The following ATG2B variants were observed in gnomAD, a reference collection of about 807,000 sequenced individuals.
ATG2B encodes the protein autophagy-related protein 2 homolog B.
In ATG2B, 121 loss-of-function variants were observed where a neutral mutation model predicts 241.3. The ratio of observed to expected loss-of-function variants is 0.50; its 90% confidence interval spans 0.43 to 0.58. The LOEUF is 0.58. Ranked by LOEUF, ATG2B falls within the 20% of genes least tolerant of loss-of-function variation. ATG2B has a pLI of 0.00. For synonymous variants in ATG2B, 858 were observed against 876.6 expected, an observed-to-expected ratio of 0.98 and a Z score of 0.37; for missense variants, 2,306 against 2,491.6, an observed-to-expected ratio of 0.93 and a Z score of 1.59.
At chr14:96,344,522 T>C in intron 4 of ATG2B, 132 bp downstream of exon 4, 4 of 477,396 alleles carry the variant, frequency 8.4e-6, no homozygotes, top group Non-Finnish European at 1.5e-5. Flanking sequence ...AGCAAATAAC[T>C]TGAAGAGCAG....
intron 1 of ATG2B, among the ~76,000 whole-genome samples, chr14:96,347,912 G>A (rs1305114295): frequency 1.3e-5 from 2 of 152,156 alleles, no homozygotes; most frequent in Non-Finnish European, 2.9e-5. Flanking sequence ...ACCCACTATG[G>A]AGAACAATTT....
Position 96,302,282 on chromosome 14 carries a change from C to T in ATG2B, c.5038-174G>A, listed in dbSNP as rs568918842. ...TCAAACATTTTTGGGTCACATGCCC[C>T]CATCAATAATCTGATTAAAGGCTGG... On this transcript the variant is annotated intron_variant, in intron 33 of 41. Transcript: ENST00000359933. 3.9e-5 allele frequency among the ~76,000 whole-genome samples: 6 copies of T among 152,234 alleles called. No homozygotes were observed. In the South Asian group the frequency reaches 1.2e-3, roughly 32 times the overall value.
chr14:96,308,282 A>ATATATATAT (rs1566720002), intron 29 of ATG2B, among the ~76,000 whole-genome samples: 2 of 37,036 alleles, frequency 5.4e-5, no homozygotes, highest in Non-Finnish European at 1.0e-4. Context: ...ATATATATAT[A>ATATATATAT]TTTTTTTTTT....
At chr14:96,356,023 T>C (rs965469932) in intron 1 of ATG2B, among the ~76,000 whole-genome samples, 11 of 151,736 alleles carry the variant, frequency 7.2e-5, no homozygotes, top group African/African-American at 2.4e-4. Flanking sequence ...ACAAAAAAAT[T>C]TGCCAGGCGT....
At chr14:96,358,720 C>T (rs546969199) in intron 1 of ATG2B, among the ~76,000 whole-genome samples, 5 of 151,816 alleles carry the variant, frequency 3.3e-5, no homozygotes, top group African/African-American at 1.2e-4. Context: ...ATTTTCCACA[C>T]CAGTCCTATG....
intron 14 of ATG2B, among the ~76,000 whole-genome samples, chr14:96,326,658 C>A (rs1887594699): frequency 1.3e-5 from 2 of 152,094 alleles, no homozygotes; most frequent in South Asian, 4.2e-4. Context: ...TGTAACACTC[C>A]TCAGTTTCTT....
In ATG2B at chr14:96,309,140, G is replaced by T. The variant is rs2289625; in HGVS notation, c.4303+313C>A. The stretch of plus-strand genomic sequence containing the variant: ...TCCAAACAGTAGAGGATATACCACA[G>T]TTGAAGTATTTTCTTACATCATTTA... On this transcript the variant is annotated intron_variant, in intron 29 of 41. Coordinates refer to ENST00000359933, the MANE Select transcript of ATG2B (RefSeq NM_018036.7). Among the ~76,000 whole-genome samples the T allele has an allele frequency of 4.3e-3, 649 of 152,260 alleles. 26 individuals carry two copies. In the South Asian group the frequency reaches 0.067, roughly 16 times the overall value.
Position 96,317,200 on chromosome 14 carries a change from A to G in ATG2B, c.3155T>C (p.Leu1052Pro). 6.2e-7 allele frequency: 1 copy of G among 1,613,888 alleles called. No individual in the cohort carries two copies. Among genetic ancestry groups the G allele is most frequent in the African/African-American group, 1.3e-5 (1 of 75,054 alleles). The change falls in exon 20 of 42, where the codon CTC becomes CCC. Residue 1052 changes from leucine to proline, a missense_variant. Physicochemically the swap from Leu to Pro is moderately conservative, Grantham distance 98. Transcript: ENST00000359933. ...DSQNKNSQSF[L>P]SVLLNINHGL... The stretch of plus-strand genomic sequence containing the variant: ...ATGATTAATATTCAGAAGAACTGAG[A>G]GAAAACTCTGAGAGTTCTTGTTCTG...
rs1888732304 is a variant in ATG2B, at chr14:96,363,199, C to T, written c.-223G>A. 2 of 535,850 alleles carry T rather than the reference C, an allele frequency of 3.7e-6. No individual in the cohort carries two copies. Among genetic ancestry groups the T allele is most frequent in the Non-Finnish European group, 6.6e-6 (2 of 302,148 alleles). 33.2% of individuals were successfully genotyped at this position (535,850 alleles called of 1,614,324 possible). On this transcript the variant is annotated 5_prime_UTR_variant, in exon 1 of 42. An upstream open reading frame in the 5' UTR gains an earlier in-frame stop. Transcript: ENST00000359933. ...GCAGAGGGGTCCTCCTGGCCCCAGG[C>T]CAGGGGACTTCCGAGGAGGGTCCCA...
rs201298342 is a variant in ATG2B, at chr14:96,291,162, C to CAT, written c.5580-229_5580-228dup. Among the ~76,000 whole-genome samples, 619 of 152,208 alleles carry CAT rather than the reference C, an allele frequency of 4.1e-3. 3 individuals are homozygous for CAT. The highest frequency in any genetic ancestry group is 0.014 in the African/African-American group (586 of 41,512). The stretch of plus-strand genomic sequence containing the variant: ...ATACATATACATACATACACACACA[C>CAT]ATATATATAAAATCCAATTCTAATG... On this transcript the variant is annotated intron_variant, in intron 38 of 41. Coordinates refer to ENST00000359933, the MANE Select transcript of ATG2B (RefSeq NM_018036.7).
intron 36 of ATG2B, among the ~76,000 whole-genome samples, chr14:96,292,489 C>T (rs1027888852): frequency 6.6e-6 from 1 of 151,990 alleles, no homozygotes. Flanking sequence ...TTAATAAAAG[C>T]AACCTTCAAG....
Position 96,295,113 on chromosome 14 carries a change from G to C in ATG2B, c.5273C>G (p.Thr1758Ser), listed in dbSNP as rs758542948. The C allele has an allele frequency of 6.8e-6, 11 of 1,614,034 alleles. No individual in the cohort carries two copies. The highest frequency in any genetic ancestry group is 1.6e-4 in the Middle Eastern group (1 of 6,084). The change falls in exon 36 of 42, where the codon ACC becomes AGC. Residue 1758 changes from threonine to serine, a missense_variant. By Grantham distance (58) the Thr-to-Ser change is moderately conservative. Transcript: ENST00000359933. The part of the protein sequence containing the change: ...VTCSLPRHLS[T>S]SKEPNLVISF... ...AATAACCAGATTTGGCTCCTTTGAG[G>C]TACTCAAATGCCTTGGCAAACTGCA...
At position 96,324,851 on chromosome 14, in the gene ATG2B, C is replaced by T. The variant is rs142412759; in HGVS notation, c.2437+798G>A. Among the ~76,000 whole-genome samples the T allele has an allele frequency of 4.2e-3, 645 of 151,930 alleles. 27 individuals carry two copies. The South Asian group carries it at 0.066, about 16-fold the overall frequency. On this transcript the variant is annotated intron_variant, in intron 15 of 41. Coordinates refer to ENST00000359933, the MANE Select transcript of ATG2B (RefSeq NM_018036.7). ...TCAATTTTAAATACCTCTTAAGATA[C>T]GTAAAACCGAGAGAGAAAAGAAGGG... is the stretch of plus-strand genomic sequence containing the variant.
intron 4 of ATG2B, among the ~76,000 whole-genome samples, chr14:96,344,344 C>T (rs1479663578): frequency 1.3e-5 from 2 of 152,126 alleles, no homozygotes; most frequent in African/African-American, 4.8e-5. Flanking sequence ...AAAACTGAAA[C>T]TTTCCCACAG....
At chr14:96,298,092 G>A (rs1031110653) in intron 34 of ATG2B, among the ~76,000 whole-genome samples, 9 of 151,966 alleles carry the variant, frequency 5.9e-5, no homozygotes, top group African/African-American at 2.2e-4. Flanking sequence ...ACCCGCACCC[G>A]ACCCAAACAA....
chr14:96,322,565 C>G lies in ATG2B; in HGVS notation c.2711G>C (p.Arg904Pro). The G allele has an allele frequency of 6.2e-7, 1 of 1,612,082 alleles. No homozygotes were observed. The highest frequency in any genetic ancestry group is 8.5e-7 in the Non-Finnish European group (1 of 1,179,454). The change falls in exon 17 of 42, where the codon CGT becomes CCT. Residue 904 changes from arginine (R) to proline (P), a missense_variant. By Grantham distance (103) the Arg-to-Pro change is moderately radical. This residue lies in a region of ATG2B where 1,927 missense variants were observed against 2,011.2 expected (regional missense o/e 0.96). Transcript: ENST00000359933. ...CTGTTCATTTTCAAACATTACTCTA[C>G]GAGAAGAAAAAGGAGATGGGGCTGG... is the stretch of plus-strand genomic sequence containing the variant. ...RRPAPSPFSS[R>P]RVMFENEQMV...
chr14:96,312,037 C>T (rs908954805), intron 26 of ATG2B, 52 bp downstream of exon 26: 69 of 1,314,992 alleles, frequency 5.2e-5, no homozygotes, highest in Non-Finnish European at 7.1e-5. Flanking sequence ...AAATTATTTA[C>T]GCACAAAAAT....
rs142543097 is a variant in ATG2B, at chr14:96,343,575, G to A, written c.582-294C>T. Among the ~76,000 whole-genome samples, 754 of 152,184 alleles carry A rather than the reference G, an allele frequency of 5.0e-3. 4 individuals are homozygous for A. Among genetic ancestry groups the A allele is most frequent in the Non-Finnish European group, 7.3e-3 (497 of 68,004 alleles). ...TTACTACCATAAATATTTTCATGAA[G>A]AGGTCTTAACTCCAAAAAGGTAACT... On this transcript the variant is annotated intron_variant, in intron 4 of 41. Transcript: ENST00000359933.
At position 96,290,213 on chromosome 14, in the gene ATG2B, C is replaced by A; in HGVS notation, c.5856+223G>T. ...CTGCTAACTTAATGTTTACAATTTA[C>A]CTGAAATAGGCAAACAAATCTGACA... On this transcript the variant is annotated intron_variant, in intron 40 of 41. Transcript: ENST00000359933. The surrounding 1 kb of genome is among the most constrained non-coding windows in gnomAD (Gnocchi z 4.4). 1 of 1,308,278 alleles carries A rather than the reference C, an allele frequency of 7.6e-7. No homozygotes were observed. The highest frequency in any genetic ancestry group is 9.8e-7 in the Non-Finnish European group (1 of 1,022,890). 81.0% of individuals were successfully genotyped at this position (1,308,278 alleles called of 1,614,324 possible).
Sources: allele counts gnomAD v4.1 joint callset (sites outside exome capture counted in the v4.1 genomes callset), GRCh38; gene constraint gnomAD v4.1.1; regional missense constraint gnomAD v4.1.1; non-coding constraint Gnocchi (gnomAD v3.1); transcripts MANE v1.5; gene names NCBI Gene and HGNC (gene_info 2026-07-23, HGNC 2026-07-21).